DOCK8: variants seen among roughly 807,000 people sequenced by gnomAD.
DOCK8 encodes the protein dedicator of cytokinesis 8.
In DOCK8, 141 loss-of-function variants were observed where a neutral mutation model predicts 245.6. The ratio of observed to expected loss-of-function variants is 0.57; its 90% CI spans 0.50 to 0.66. The LOEUF (loss-of-function observed/expected upper bound fraction) is 0.66, where lower values mean the gene tolerates loss of function less well. Among genes scored for constraint, DOCK8 ranks in the 30% least tolerant of loss-of-function variants. DOCK8 has a pLI of 0.00. For synonymous variants in DOCK8, 1,168 were observed against 970.2 expected, an observed-to-expected ratio of 1.20 and a Z score of -3.79; for missense variants, 2,965 against 2,603.4, an observed-to-expected ratio of 1.14 and a Z score of -3.02.
intron 26 of DOCK8, among the ~76,000 whole-genome samples, chr9:399,914 A>G (rs1025582253): frequency 6.6e-6 from 1 of 151,292 alleles, no homozygotes; most frequent in African/African-American, 2.4e-5. Context: ...CATTACTGCT[A>G]CTACTACCAC....
rs779624931 is a variant in DOCK8, at chr9:428,427, T to C, written c.4404T>C (p.Ser1468=). The part of the protein sequence containing the change: ...LGGVLRVLVN[S]LNCDQSTTYL... ...GTGTTCTGAGGGTGCTGGTGAATTC[T>C]CTGAACTGTGATCAGAGTACCACCT... The change falls in exon 35 of 48, where the codon TCT becomes TCC. Residue 1468 remains serine, a synonymous_variant. Coordinates refer to ENST00000432829, the MANE Select transcript of DOCK8 (RefSeq NM_203447.4). 1 of 1,614,234 alleles carries C rather than the reference T, an allele frequency of 6.2e-7. No individual in the cohort carries two copies. The highest frequency in any genetic ancestry group is 8.5e-7 in the Non-Finnish European group (1 of 1,180,036).
rs376115815 is a variant in DOCK8, at chr9:379,969, C to T, written c.2605+34C>T. The T allele has an allele frequency of 1.9e-5, 31 of 1,600,248 alleles. 1 individual carries two copies. In the East Asian group the frequency reaches 3.2e-4, roughly 16 times the overall value. Reference sequence around the variant, plus strand: ...GCCCTGAGTGTGGGACTCTGGTGGGCGGGGCAACACCACCTCCACCCCACT... The same window carrying T: ...GCCCTGAGTGTGGGACTCTGGTGGGTGGGGCAACACCACCTCCACCCCACT... On this transcript the variant is annotated intron_variant, in intron 21 of 47. Transcript: ENST00000432829.
chr9:409,792 G>A (rs923867786), intron 28 of DOCK8, among the ~76,000 whole-genome samples: 7 of 151,700 alleles, frequency 4.6e-5, no homozygotes, highest in Non-Finnish European at 8.8e-5. Context: ...GAGAACATGC[G>A]GTGTTTGGTT....
chr9:344,629 C>G (rs1476270213), intron 14 of DOCK8, among the ~76,000 whole-genome samples: 1 of 152,150 alleles, frequency 6.6e-6, no homozygotes, highest in Non-Finnish European at 1.5e-5. Flanking sequence ...TCTCAAAAAA[C>G]CTGGACCTTG....
chr9:235,868 T>C (rs1361529449), intron 1 of DOCK8, among the ~76,000 whole-genome samples: 3 of 152,192 alleles, frequency 2.0e-5, no homozygotes, highest in Non-Finnish European at 4.4e-5. Flanking sequence ...GGTGATGCCT[T>C]GCCCTGCTTC....
At chr9:410,105 C>T (rs893622312) in intron 28 of DOCK8, among the ~76,000 whole-genome samples, 6 of 152,074 alleles carry the variant, frequency 3.9e-5, no homozygotes, top group Admixed American at 2.0e-4. Context: ...GTTCCAGATA[C>T]TCCACTATAT....
chr9:212,605 T>C (rs969296617), upstream of DOCK8, among the ~76,000 whole-genome samples: 3 of 152,226 alleles, frequency 2.0e-5, no homozygotes, highest in African/African-American at 7.2e-5. Context: ...GGATAACACA[T>C]TCATGGTGAA....
chr9:280,906 G>T (rs2048552142), intron 2 of DOCK8: 1 of 152,204 alleles, frequency 6.6e-6, no homozygotes, highest in African/African-American at 2.4e-5. Flanking sequence ...GTCACAAAAG[G>T]TAAAGCCTGG....
At chr9:400,791 TCACCACCACCTCCACCATCAC>T (rs2054941802) in intron 26 of DOCK8, among the ~76,000 whole-genome samples, 2 of 4,852 alleles carry the variant, frequency 4.1e-4, no homozygotes. Context: ...ACCTCCACCA[TCACCACCACCTCCACCATCAC>T]CACCACCTCC....
At chr9:388,582 A>G (rs1392892176) in intron 23 of DOCK8, among the ~76,000 whole-genome samples, 1 of 140,548 alleles carries the variant, frequency 7.1e-6, no homozygotes, top group African/African-American at 3.0e-5. Flanking sequence ...ACAGAGTCTC[A>G]CTTACTCTGT....
At chr9:335,983 G>A (rs1246399066) in intron 11 of DOCK8, among the ~76,000 whole-genome samples, 1 of 152,174 alleles carries the variant, frequency 6.6e-6, no homozygotes, top group Non-Finnish European at 1.5e-5. Context: ...CCCAAAAGGG[G>A]ATAAGAAACA....
chr9:324,195 C>G (rs1321653954), intron 7 of DOCK8, among the ~76,000 whole-genome samples: 2 of 152,198 alleles, frequency 1.3e-5, no homozygotes, highest in East Asian at 1.9e-4. Flanking sequence ...TCCAAATTGC[C>G]TCATTTCCAA....
chr9:220,678 T>C (rs775284824), intron 1 of DOCK8: 1 of 384,944 alleles, frequency 2.6e-6, no homozygotes, highest in Admixed American at 3.4e-5. Context: ...AACAGGAATG[T>C]GCTACTGCTG....
intron 5 of DOCK8, among the ~76,000 whole-genome samples, chr9:306,985 G>A (rs147963006): frequency 2.6e-5 from 4 of 152,250 alleles, no homozygotes; most frequent in South Asian, 2.1e-4. Context: ...GGCTGGTGCT[G>A]GTACCTTCAA....
At position 230,028 on chromosome 9, in the gene DOCK8, A is replaced by T. The variant is rs545309690; in HGVS notation, c.53+14999A>T. On this transcript the variant is annotated intron_variant, in intron 1 of 47. Coordinates refer to ENST00000432829, the MANE Select transcript of DOCK8 (RefSeq NM_203447.4). ...ATTAACTCATCATTTAGCATTAGGTATATCTCCTAATGCTATCCCTCACCC... is the reference window on the plus strand; with the variant it reads ...ATTAACTCATCATTTAGCATTAGGTTTATCTCCTAATGCTATCCCTCACCC... 6.7e-5 allele frequency among the ~76,000 whole-genome samples: 10 copies of T among 150,082 alleles called. No individual in the cohort carries two copies. In the East Asian group the frequency reaches 2.0e-3, roughly 30 times the overall value.
At chr9:251,681 C>A (rs1304983480) in intron 1 of DOCK8, among the ~76,000 whole-genome samples, 1 of 152,120 alleles carries the variant, frequency 6.6e-6, no homozygotes, top group African/African-American at 2.4e-5. Context: ...CCTTTCTTGG[C>A]TTCAGTTTCC....
intron 1 of DOCK8, among the ~76,000 whole-genome samples, chr9:252,817 T>G (rs986645957): frequency 6.6e-5 from 10 of 151,676 alleles, no homozygotes; most frequent in African/African-American, 2.4e-4. Flanking sequence ...AAAAGTCCTA[T>G]GTATACTTCT....
chr9:317,223 G>A (rs1282055630), intron 7 of DOCK8, 95 bp downstream of exon 7: 2 of 1,039,610 alleles, frequency 1.9e-6, no homozygotes, highest in Non-Finnish European at 2.9e-6. Context: ...AATCAAAGCG[G>A]AGCTCCCAAA....
At chr9:274,689 G>T in intron 2 of DOCK8, among the ~76,000 whole-genome samples, 1 of 152,088 alleles carries the variant, frequency 6.6e-6, no homozygotes, top group Admixed American at 6.5e-5. Context: ...TTCATGGAAA[G>T]ATAATGGAAC....
Sources: gnomAD v4.1 joint callset for allele counts (sites outside exome capture counted in the v4.1 genomes callset) on GRCh38, gnomAD v4.1.1 for gene constraint, MANE v1.5 for transcripts, NCBI Gene and HGNC (gene_info 2026-07-23, HGNC 2026-07-21) for gene names.